The following CACNA1E variants were observed in gnomAD, a reference collection of about 807,000 sequenced individuals.
The protein encoded by CACNA1E is voltage-dependent R-type calcium channel subunit alpha-1E.
Under a neutral mutation model 259.2 loss-of-function variants are expected in CACNA1E, and 40 were observed. The observed-to-expected ratio is 0.15, with a 90% confidence interval of 0.12 to 0.20. The LOEUF is 0.20. CACNA1E is among the 10% of genes least tolerant of loss of function. CACNA1E has a pLI of 1.00. For missense variants in CACNA1E, 1,874 were observed against 3,040.1 expected (o/e 0.62, Z 9.02); for synonymous variants, 1,104 against 1,138.5 (o/e 0.97, Z 0.61).
At chr1:181,414,730 A>G (rs953287166) in intron 2 of CACNA1E, among the ~76,000 whole-genome samples, 4 of 152,262 alleles carry the variant, frequency 2.6e-5, no homozygotes, top group African/African-American at 9.6e-5. Context: ...CATGTAACCA[A>G]TGAGGCACAG....
intron 7 of CACNA1E, among the ~76,000 whole-genome samples, chr1:181,701,212 T>G (rs961015001): frequency 3.3e-5 from 5 of 152,232 alleles, no homozygotes; most frequent in Non-Finnish European, 7.3e-5. Flanking sequence ...ACTCTCAATT[T>G]CTTCCTTGAA....
chr1:181,660,976 T>A (rs914679698), intron 7 of CACNA1E, among the ~76,000 whole-genome samples: 4 of 152,090 alleles, frequency 2.6e-5, no homozygotes, highest in Non-Finnish European at 1.5e-5. Flanking sequence ...CTCAACGGGT[T>A]TGAGTCTAGG....
chr1:181,705,066 C>G (rs529510901), intron 7 of CACNA1E, among the ~76,000 whole-genome samples: 122 of 152,338 alleles, frequency 8.0e-4, no homozygotes, highest in African/African-American at 2.8e-3. Context: ...ACCGAAGACC[C>G]TCCTAGTATC....
At chr1:181,423,015 A>G (rs981329994) in intron 2 of CACNA1E, among the ~76,000 whole-genome samples, 14 of 152,272 alleles carry the variant, frequency 9.2e-5, no homozygotes, top group Non-Finnish European at 1.5e-5. Flanking sequence ...AATAACCCTA[A>G]TCCCCTTAAT....
intron 6 of CACNA1E, among the ~76,000 whole-genome samples, chr1:181,644,543 G>A (rs1265603328): frequency 6.6e-6 from 1 of 152,182 alleles, no homozygotes; most frequent in Non-Finnish European, 1.5e-5. Flanking sequence ...CCTTGGCTTT[G>A]AGGTAGAAAC....
intron 1 of CACNA1E, among the ~76,000 whole-genome samples, chr1:181,492,216 A>G (rs1479742479): frequency 2.6e-5 from 4 of 152,230 alleles, no homozygotes; most frequent in Admixed American, 2.0e-4. Context: ...ATATAGTATA[A>G]TGACAATTGA....
rs112340226 is a variant in CACNA1E at position 181,714,709 on chromosome 1, T to A, written c.1172-629T>A. Among the ~76,000 whole-genome samples the A allele has an allele frequency of 3.4e-3, 522 of 152,270 alleles. 4 individuals carry two copies. The highest frequency in any genetic ancestry group is 0.012 in the African/African-American group (504 of 41,540). On this transcript the variant is annotated intron_variant, in intron 8 of 47. Transcript: ENST00000367573. ...GACAAAAACCAAATACTTTTTAAAT[T>A]TTATCTTAGGGACAAATTCATGATT... is the stretch of plus-strand genomic sequence containing the variant.
chr1:181,696,680 C>A (rs1473715562), intron 7 of CACNA1E, among the ~76,000 whole-genome samples: 1 of 152,148 alleles, frequency 6.6e-6, no homozygotes, highest in African/African-American at 2.4e-5. Flanking sequence ...TGTACATTTT[C>A]ATGACTGCAG....
At chr1:181,473,758 T>A (rs1429133883) in intron 2 of CACNA1E, among the ~76,000 whole-genome samples, 2 of 152,228 alleles carry the variant, frequency 1.3e-5, no homozygotes, top group African/African-American at 2.4e-5. Flanking sequence ...TTTCTATTAA[T>A]GATATCAGCG....
intron 6 of CACNA1E, among the ~76,000 whole-genome samples, chr1:181,634,219 G>A (rs955091173): frequency 1.3e-5 from 2 of 152,204 alleles, no homozygotes; most frequent in African/African-American, 4.8e-5. Context: ...GGGTGATAAT[G>A]ATGACTTCAT....
chr1:181,593,292 G>A (rs1652839579), intron 6 of CACNA1E, among the ~76,000 whole-genome samples: 1 of 152,198 alleles, frequency 6.6e-6, no homozygotes, highest in Non-Finnish European at 1.5e-5. Flanking sequence ...TCGGGAGCAT[G>A]TAAGACAAAT....
chr1:181,791,242 C>T (rs1454381952), intron 44 of CACNA1E, among the ~76,000 whole-genome samples: 2 of 152,156 alleles, frequency 1.3e-5, no homozygotes, highest in South Asian at 2.1e-4. Flanking sequence ...GAGGCCAAGG[C>T]GGGCAGATCA....
chr1:181,337,217 A>G (rs12118009), intron 1 of CACNA1E, among the ~76,000 whole-genome samples: 40,499 of 149,498 alleles, frequency 0.27, 5,595 homozygotes, highest in Non-Finnish European at 0.29. Context: ...GTGCAGTGGC[A>G]TGATCTCGGC....
chr1:181,679,225 ATAT>A (rs1649680730), intron 7 of CACNA1E, among the ~76,000 whole-genome samples: 1 of 152,250 alleles, frequency 6.6e-6, no homozygotes, highest in African/African-American at 2.4e-5. Flanking sequence ...TAGGTTTTGT[ATAT>A]TATCTCTTCC....
At chr1:181,586,991 C>T (rs1652129469) in intron 6 of CACNA1E, among the ~76,000 whole-genome samples, 1 of 151,986 alleles carries the variant, frequency 6.6e-6, no homozygotes, top group Admixed American at 6.6e-5. Flanking sequence ...TTTCCTTGAA[C>T]AGGTGTGTGT....
chr1:181,346,953 TA>T (rs973759948), intron 1 of CACNA1E, among the ~76,000 whole-genome samples: 5 of 152,314 alleles, frequency 3.3e-5, no homozygotes, highest in African/African-American at 1.2e-4. Flanking sequence ...CAGAGTCCTC[TA>T]AAAACTTCCT....
rs183039520 is a variant in CACNA1E at position 181,351,716 on chromosome 1, A to G, written c.-15+33593A>G. Among the ~76,000 whole-genome samples the G allele has an allele frequency of 6.0e-4, 91 of 152,224 alleles. 1 individual carries two copies. The East Asian group carries it at 0.015, about 26-fold the overall frequency. On this transcript the variant is annotated intron_variant, in intron 1 of 11. Coordinates refer to the CACNA1E transcript ENST00000524607. ...CCACATCACTCCCATGTCTGCCTCCACAGTCACATTGCTGTCTCCTCCTCT... is the reference window on the plus strand; with the variant it reads ...CCACATCACTCCCATGTCTGCCTCCGCAGTCACATTGCTGTCTCCTCCTCT...
chr1:181,764,356 T>C (rs889670155), intron 34 of CACNA1E, among the ~76,000 whole-genome samples: 6 of 152,234 alleles, frequency 3.9e-5, no homozygotes, highest in African/African-American at 1.2e-4. Flanking sequence ...AAAATAAATT[T>C]GATGGAATTA....
At chr1:181,503,706 A>G (rs1665463954) in intron 1 of CACNA1E, among the ~76,000 whole-genome samples, 1 of 152,190 alleles carries the variant, frequency 6.6e-6, no homozygotes, top group Admixed American at 6.5e-5. Flanking sequence ...GCAACACTTT[A>G]CAGTTTTCAG....
Sources: allele counts gnomAD v4.1 joint callset (sites outside exome capture counted in the v4.1 genomes callset), GRCh38; gene constraint gnomAD v4.1.1; transcripts MANE v1.5; gene names NCBI Gene and HGNC (gene_info 2026-07-23, HGNC 2026-07-21).